AHDC1: variants seen among roughly 807,000 people sequenced by gnomAD.
The protein encoded by AHDC1 is AT-hook DNA binding motif containing 1, also known as transcription factor Gibbin.
AHDC1 carries 7 observed loss-of-function variants against 87.9 expected under a neutral mutation model. The observed-to-expected ratio is 0.08, with a 90% CI of 0.05 to 0.15. The LOEUF is 0.15. AHDC1 is among the 10% of genes least tolerant of loss of function. The probability of loss-of-function intolerance (pLI) is 1.00; values close to 1 mark genes in which losing one functional copy is unlikely to be tolerated. For synonymous variants in AHDC1, 1,051 were observed against 1,006.8 expected (o/e 1.04, Z -0.83); for missense variants, 1,841 against 2,253.2 (o/e 0.82, Z 3.70).
rs1403900025 is a variant in AHDC1, at chr1:27,560,685, G to A, written c.-628-1802C>T. Among the ~76,000 whole-genome samples the A allele has an allele frequency of 6.6e-6, 1 of 152,118 alleles. No homozygotes were observed. The highest frequency in any genetic ancestry group is 1.5e-5 in the Non-Finnish European group (1 of 68,024). On this transcript the variant is annotated intron_variant, in intron 3 of 8. Coordinates refer to ENST00000673934, the MANE Select transcript of AHDC1 (RefSeq NM_001371928.1). This position sits in a 1 kb window ranked among gnomAD's most constrained non-coding sequence, Gnocchi z 4.1. ...CCTTATTGTGTGTCTGTGTACCACA[G>A]CGTGTCTCTGTGTATGTCAGTGGGT...
In AHDC1 at chr1:27,603,763, C is replaced by G. The variant is rs1421309729; in HGVS notation, c.-762G>C. On this transcript the variant is annotated 5_prime_UTR_variant, in exon 2 of 9. Coordinates refer to ENST00000673934, the MANE Select transcript of AHDC1 (RefSeq NM_001371928.1). Reference sequence around the variant, plus strand: ...ACGCGCCCCGCGTAGTCCTCCTGCTCCTCCTCCTCCGCCCTCCTCCCTCCC... The same window carrying G: ...ACGCGCCCCGCGTAGTCCTCCTGCTGCTCCTCCTCCGCCCTCCTCCCTCCC... 3 of 149,540 alleles carry G rather than the reference C, an allele frequency of 2.0e-5. No homozygotes were observed. Among genetic ancestry groups the G allele is most frequent in the African/African-American group, 7.4e-5 (3 of 40,568 alleles). The allele number at this position is 149,540 out of a possible 1,614,324, so 9.3% of individuals were successfully genotyped here.
Position 27,581,980 on chromosome 1 carries a change from G to C in AHDC1, c.-629+21417C>G, listed in dbSNP as rs113385289. 2.2e-3 allele frequency among the ~76,000 whole-genome samples: 331 copies of C among 152,240 alleles called. 2 individuals carry two copies. Among genetic ancestry groups the C allele is most frequent in the African/African-American group, 7.7e-3 (321 of 41,544 alleles). ...CTTTGCTCAATCACACAGTGTCTCA[G>C]GCCTCCCCTGCTATGCCCTTGGGAT... On this transcript the variant is annotated intron_variant, in intron 3 of 8. Transcript: ENST00000673934.
intron 3 of AHDC1, among the ~76,000 whole-genome samples, chr1:27,568,449 G>A (rs1056519229): frequency 9.2e-5 from 14 of 152,138 alleles, no homozygotes; most frequent in Non-Finnish European, 2.9e-5. Context: ...CAGGTCGCTC[G>A]CGTGTTCAGC....
Position 27,563,742 on chromosome 1 carries a change from CAGG to C in AHDC1, c.-628-4862_-628-4860del. On this transcript the variant is annotated intron_variant, in intron 3 of 8. Coordinates refer to ENST00000673934, the MANE Select transcript of AHDC1 (RefSeq NM_001371928.1). The surrounding 1 kb of genome is among the most constrained non-coding windows in gnomAD (Gnocchi z 6.1). ...TGGTGTGACCTTGGCCTCTGGACACCAGGAGGGGAGGTGCTGTGGCTTCCCGCC... is the reference window on the plus strand; with the variant it reads ...TGGTGTGACCTTGGCCTCTGGACACCAGGGGAGGTGCTGTGGCTTCCCGCC... Among the ~76,000 whole-genome samples the C allele has an allele frequency of 6.6e-6, 1 of 152,250 alleles. No homozygotes were observed. Among genetic ancestry groups the C allele is most frequent in the South Asian group, 2.1e-4 (1 of 4,824 alleles).
chr1:27,583,722 G>A (rs2088972409), intron 3 of AHDC1, among the ~76,000 whole-genome samples: 1 of 152,102 alleles, frequency 6.6e-6, no homozygotes, highest in African/African-American at 2.4e-5. Context: ...CTCCCTATTA[G>A]CTGTGTTTCC....
intron 3 of AHDC1, among the ~76,000 whole-genome samples, chr1:27,600,992 T>TG (rs1271055665): frequency 6.6e-6 from 1 of 151,888 alleles, no homozygotes; most frequent in Non-Finnish European, 1.5e-5. Context: ...CGCCTGAGGG[T>TG]GGTAGGGGCT....
At chr1:27,541,882 G>A (rs1434129487) in intron 8 of AHDC1, among the ~76,000 whole-genome samples, 1 of 152,182 alleles carries the variant, frequency 6.6e-6, no homozygotes, top group Non-Finnish European at 1.5e-5. Context: ...CTCTTCCCTC[G>A]GCCTCCCAAA....
chr1:27,584,888 A>G (rs2089006176), intron 3 of AHDC1, among the ~76,000 whole-genome samples: 1 of 152,076 alleles, frequency 6.6e-6, no homozygotes, highest in Non-Finnish European at 1.5e-5. Flanking sequence ...AGGGGGCAGG[A>G]CAGGACAGGC....
At chr1:27,568,981 CG>C (rs1053203213) in intron 3 of AHDC1, among the ~76,000 whole-genome samples, 6 of 152,072 alleles carry the variant, frequency 3.9e-5, no homozygotes, top group African/African-American at 7.2e-5. Flanking sequence ...GGGTGGGGCG[CG>C]GGGGGCTGGC....
chr1:27,576,301 A>T (rs2088746906), intron 3 of AHDC1, among the ~76,000 whole-genome samples: 1 of 152,108 alleles, frequency 6.6e-6, no homozygotes, highest in Admixed American at 6.5e-5. Context: ...CGCTGTCACA[A>T]TTGGGGGCCT....
rs185722356 is a variant in AHDC1, at chr1:27,548,117, G to A, written c.3999C>T (p.Phe1333=). 2.2e-5 allele frequency: 35 copies of A among 1,613,816 alleles called. No homozygotes were observed. The highest frequency in any genetic ancestry group is 5.5e-5 in the South Asian group (5 of 91,090). The change falls in exon 8 of 9, where the codon TTC becomes TTT. Residue 1333 remains phenylalanine (F), a synonymous_variant. Transcript: ENST00000673934. ...MSPLPSQSRA[F]GVGERDPCDF... ...CACAGGGGTCTCGCTCTCCCACGCC[G>A]AAGGCCCTCGACTGTGAGGGCAGTG...
rs867023537 is a variant in AHDC1, at chr1:27,594,110, G to A, written c.-629+9287C>T. Among the ~76,000 whole-genome samples, 10 of 152,170 alleles carry A rather than the reference G, an allele frequency of 6.6e-5. 1 individual carries two copies. Among genetic ancestry groups the A allele is most frequent in the Non-Finnish European group, 4.4e-5 (3 of 68,032 alleles). On this transcript the variant is annotated intron_variant, in intron 3 of 8. Transcript: ENST00000673934. The stretch of plus-strand genomic sequence containing the variant: ...CTCCCCTCATGCTGCCCTCTGAGGC[G>A]GATTCTGTGCATCTGTAATTAGGGG...
chr1:27,575,697 C>T (rs886715262), intron 3 of AHDC1, among the ~76,000 whole-genome samples: 1 of 151,772 alleles, frequency 6.6e-6, no homozygotes, highest in African/African-American at 2.4e-5. Flanking sequence ...CCCGGTCCAA[C>T]CCGGCCGGGT....
At chr1:27,556,849 T>G (rs536654540) in intron 5 of AHDC1, among the ~76,000 whole-genome samples, 1 of 151,890 alleles carries the variant, frequency 6.6e-6, no homozygotes, top group African/African-American at 2.4e-5. Flanking sequence ...TATCCTCCTC[T>G]CAGCTTCTAG....
At chr1:27,556,770 C>T (rs1473047716) in intron 5 of AHDC1, among the ~76,000 whole-genome samples, 1 of 152,130 alleles carries the variant, frequency 6.6e-6, no homozygotes, top group Non-Finnish European at 1.5e-5. Context: ...AGAGATTCAG[C>T]GCCCTCCCCT....
intron 3 of AHDC1, among the ~76,000 whole-genome samples, chr1:27,582,454 C>T (rs1454314643): frequency 6.6e-6 from 1 of 152,266 alleles, no homozygotes; most frequent in Non-Finnish European, 1.5e-5. Flanking sequence ...TGATTTAAAA[C>T]TGCAGTAACC....
In AHDC1 at chr1:27,547,843, G is replaced by A. The variant is rs1298824243; in HGVS notation, c.4273C>T (p.Leu1425Phe). The part of the protein sequence containing the change: ...PPTKLAACEP[L>F]KHGLQGASLG... ...CTGGCCCCCTGGAGTCCATGCTTGA[G>A]GGGCTCGCAGGCAGCCAGCTTTGTG... is the stretch of plus-strand genomic sequence containing the variant. The change falls in exon 8 of 9, where the codon CTC (leucine) becomes TTC (phenylalanine). Residue 1425 changes from leucine (L) to phenylalanine (F), a missense_variant. Around this residue, in one of 13 missense-constraint regions of AHDC1, gnomAD observed 505 missense variants for 626.2 expected, o/e 0.81. Coordinates refer to ENST00000673934, the MANE Select transcript of AHDC1 (RefSeq NM_001371928.1). This position sits in a 1 kb window ranked among gnomAD's most constrained non-coding sequence, Gnocchi z 4.9. The A allele has an allele frequency of 2.6e-6, 4 of 1,548,532 alleles. No homozygotes were observed. The African/African-American group carries it at 4.1e-5, about 16-fold the overall frequency.
At chr1:27,568,537 C>G (rs988187258) in intron 3 of AHDC1, among the ~76,000 whole-genome samples, 3 of 152,188 alleles carry the variant, frequency 2.0e-5, no homozygotes, top group African/African-American at 7.2e-5. Flanking sequence ...CCTCCACCTC[C>G]CGCCGACTCC....
intron 3 of AHDC1, among the ~76,000 whole-genome samples, chr1:27,586,098 A>G (rs1289473941): frequency 6.6e-6 from 1 of 152,126 alleles, no homozygotes; most frequent in Non-Finnish European, 1.5e-5. Context: ...ACTGACCCCC[A>G]ACTTCAAAAG....
Sources: gnomAD v4.1 joint callset for allele counts (sites outside exome capture counted in the v4.1 genomes callset) on GRCh38, gnomAD v4.1.1 for gene constraint, gnomAD v4.1.1 regional missense constraint, Gnocchi (gnomAD v3.1) non-coding constraint, MANE v1.5 for transcripts, NCBI Gene and HGNC (gene_info 2026-07-23, HGNC 2026-07-21) for gene names.